The following TTC17 variants were observed in gnomAD, a reference collection of about 807,000 sequenced individuals.
TTC17 encodes the protein tetratricopeptide repeat protein 17.
TTC17 carries 58 observed loss-of-function variants against 143.8 expected under a neutral mutation model. The observed-to-expected ratio is 0.40, with a 90% CI of 0.33 to 0.50. The LOEUF is 0.50. TTC17 is among the 20% of genes least tolerant of loss of function. TTC17 has a pLI of 0.49. For missense variants in TTC17, 1,273 were observed against 1,392.5 expected (o/e 0.91, Z 1.37); for synonymous variants, 501 against 497.8 (o/e 1.01, Z -0.09).
chr11:43,408,739 A>G (rs1469963379), intron 15 of TTC17, among the ~76,000 whole-genome samples: 1 of 152,078 alleles, frequency 6.6e-6, no homozygotes, highest in East Asian at 1.9e-4. Context: ...TACCCCAAAA[A>G]TATACCTTTT....
At chr11:43,362,932 A>G (rs1290089476) in intron 1 of TTC17, among the ~76,000 whole-genome samples, 2 of 152,188 alleles carry the variant, frequency 1.3e-5, no homozygotes, top group Admixed American at 6.5e-5. Flanking sequence ...TGTCAGGGGA[A>G]GGCTAAGAGA....
rs1564988212 is a variant in TTC17, at chr11:43,492,122, G to A, written c.3253G>A (p.Ala1085Thr). Reference sequence around the variant, plus strand: ...GGCAGTAGAGATCGCACCACACTTTGCTGTGAACCACTTCACTCTGGGCAA... The same window carrying A: ...GGCAGTAGAGATCGCACCACACTTTACTGTGAACCACTTCACTCTGGGCAA... ...TMAVEIAPHF[A>T]VNHFTLGNVY... Residue 1085 changes from alanine (A) to threonine (T), a missense_variant, in exon 23 of 24, where the codon GCT becomes ACT. Transcript: ENST00000039989. 6.2e-7 allele frequency: 1 copy of A among 1,614,120 alleles called. No individual in the cohort carries two copies. Among genetic ancestry groups the A allele is most frequent in the Non-Finnish European group, 8.5e-7 (1 of 1,179,994 alleles).
chr11:43,452,144 G>A (rs1226539547), intron 21 of TTC17, among the ~76,000 whole-genome samples: 1 of 152,122 alleles, frequency 6.6e-6, no homozygotes, highest in Non-Finnish European at 1.5e-5. Context: ...CTTTCTACAG[G>A]TAGCCCAACC....
chr11:43,492,194 A>T, intron 23 of TTC17, 31 bp downstream of exon 23: 1 of 1,596,400 alleles, frequency 6.3e-7, no homozygotes, highest in East Asian at 2.3e-5. Context: ...GTATGTACCA[A>T]CTCTGCCAAA....
chr11:43,446,108 C>T (rs1038736239), intron 18 of TTC17: 34 of 1,435,414 alleles, frequency 2.4e-5, no homozygotes, highest in East Asian at 2.3e-4. Flanking sequence ...GTACAAGACC[C>T]TTTACAGCCC....
At chr11:43,391,798 T>C in intron 4 of TTC17, 23 bp from the exon 5 acceptor site, 1 of 1,607,860 alleles carries the variant, frequency 6.2e-7, no homozygotes, top group Non-Finnish European at 8.5e-7. Context: ...GATATGTCTT[T>C]TGAATCTTTT....
chr11:43,443,368 T>A lies in TTC17; in HGVS notation c.2295T>A (p.Asn765Lys). Residue 765 changes from asparagine to lysine, a missense_variant, in exon 17 of 24, where the codon AAT becomes AAA. Asn to Lys is a moderately conservative substitution (Grantham distance 94). This residue lies in a region of TTC17 where 878 missense variants were observed against 899.8 expected (regional missense o/e 0.98). Coordinates refer to ENST00000039989, the MANE Select transcript of TTC17 (RefSeq NM_018259.6). ...EESNGSDEME[N>K]SDETKMSEEI... ...GCAATGGTTCTGATGAGATGGAGAA[T>A]TCAGATGAAACCAAAATGTCAGAAG... is the stretch of plus-strand genomic sequence containing the variant. 2 of 1,614,082 alleles carry A rather than the reference T, an allele frequency of 1.2e-6. No homozygotes were observed. Among genetic ancestry groups the A allele is most frequent in the Admixed American group, 1.7e-5 (1 of 60,018 alleles).
intron 16 of TTC17, among the ~76,000 whole-genome samples, chr11:43,440,127 C>G (rs772915477): frequency 2.6e-5 from 4 of 152,190 alleles, no homozygotes; most frequent in African/African-American, 4.8e-5. Context: ...CCAGACCTTT[C>G]ACCAAACCAG....
intron 1 of TTC17, chr11:43,359,406 T>C (rs1565123707): frequency 5.3e-6 from 2 of 376,280 alleles, no homozygotes; most frequent in Admixed American, 4.9e-5. Context: ...TACGGACCTT[T>C]TTTTAGCTCG....
At chr11:43,396,624 C>T in intron 5 of TTC17, 85 bp from the exon 6 acceptor site, 2 of 662,708 alleles carry the variant, frequency 3.0e-6, no homozygotes, top group Admixed American at 5.8e-5. Context: ...TTCAGAAGAG[C>T]CAGAATATTA....
chr11:43,479,072 C>CAGT, intron 21 of TTC17, among the ~76,000 whole-genome samples: 1 of 152,198 alleles, frequency 6.6e-6, no homozygotes, highest in Non-Finnish European at 1.5e-5. Context: ...AACCCTGTCT[C>CAGT]TACTAAGAAT....
chr11:43,409,144 G>A (rs1858284914), intron 15 of TTC17, among the ~76,000 whole-genome samples: 1 of 152,116 alleles, frequency 6.6e-6, no homozygotes, highest in Non-Finnish European at 1.5e-5. Flanking sequence ...CAACTCTACT[G>A]TACAGGTGAT....
intron 18 of TTC17, 133 bp from the exon 19 acceptor site, chr11:43,447,869 A>C: frequency 9.3e-7 from 1 of 1,074,322 alleles, no homozygotes; most frequent in South Asian, 1.7e-5. Flanking sequence ...TAGATGGGGG[A>C]AATGTTAAAG....
At chr11:43,462,862 C>G (rs2098232591) in intron 21 of TTC17, among the ~76,000 whole-genome samples, 1 of 151,336 alleles carries the variant, frequency 6.6e-6, no homozygotes, top group Non-Finnish European at 1.5e-5. Context: ...AAAAACACCA[C>G]AATTACAAAC....
At chr11:43,386,690 A>G (rs1394727413) in intron 2 of TTC17, among the ~76,000 whole-genome samples, 1 of 152,252 alleles carries the variant, frequency 6.6e-6, no homozygotes, top group Non-Finnish European at 1.5e-5. Flanking sequence ...AAAAGCTGAT[A>G]CTTGCCATGC....
chr11:43,394,607 G>A (rs79632002), intron 5 of TTC17, among the ~76,000 whole-genome samples: 179 of 152,272 alleles, frequency 1.2e-3, no homozygotes, highest in Middle Eastern at 6.8e-3. Context: ...TGAACAACTA[G>A]AAGGAAGAGA....
At chr11:43,409,696 G>A (rs1858314619) in intron 15 of TTC17, among the ~76,000 whole-genome samples, 1 of 152,160 alleles carries the variant, frequency 6.6e-6, no homozygotes, top group South Asian at 2.1e-4. Flanking sequence ...AGGGAGATTG[G>A]CCACAGGGCA....
Position 43,391,794 on chromosome 11 carries a change from T to C in TTC17, c.532-27T>C, listed in dbSNP as rs778461576. ...GTCATCTTTTATATCCTTTGATATG[T>C]CTTTTGAATCTTTTTCTTCTCTTCA... On this transcript the variant is annotated intron_variant, in intron 4 of 23. Transcript: ENST00000039989. 6 of 1,606,464 alleles carry C rather than the reference T, an allele frequency of 3.7e-6. No homozygotes were observed. The Admixed American group carries it at 5.2e-5, about 14-fold the overall frequency.
intron 5 of TTC17, chr11:43,396,421 T>C (rs1857594594): frequency 5.0e-6 from 1 of 201,966 alleles, no homozygotes; most frequent in African/African-American, 2.3e-5. Flanking sequence ...CAAGTTGTGA[T>C]CAGTTGGTGG....
Sources: gnomAD v4.1 joint callset for allele counts (sites outside exome capture counted in the v4.1 genomes callset) on GRCh38, gnomAD v4.1.1 for gene constraint, gnomAD v4.1.1 regional missense constraint, MANE v1.5 for transcripts, NCBI Gene and HGNC (gene_info 2026-07-23, HGNC 2026-07-21) for gene names.